Variants in MCM2 observed in about 807,000 individuals in gnomAD.
MCM2 encodes the protein DNA replication licensing factor MCM2.
In MCM2, 49 loss-of-function variants were observed where a neutral mutation model predicts 86.4. The ratio of observed to expected loss-of-function variants is 0.57; its 90% CI spans 0.45 to 0.72. The LOEUF is 0.72. MCM2 is among the 30% of genes least tolerant of loss of function. The probability of loss-of-function intolerance (pLI) is 0.00; values close to 1 mark genes in which losing one functional copy is unlikely to be tolerated. For synonymous variants in MCM2, 475 were observed against 484.6 expected (o/e 0.98, Z 0.26); for missense variants, 1,038 against 1,259.9 (o/e 0.82, Z 2.67).
Position 127,617,187 on chromosome 3 carries a change from G to A in MCM2, c.1773+69G>A. On this transcript the variant is annotated intron_variant, in intron 10 of 15. Coordinates refer to ENST00000265056, the MANE Select transcript of MCM2 (RefSeq NM_004526.4). This position sits in a 1 kb window ranked among gnomAD's most constrained non-coding sequence, Gnocchi z 4.1. ...GTGTGGGCTTGGGCCTTAGCGACGG[G>A]AATGGTGTTAATGGGGTCCATTGGG... 6.2e-7 allele frequency: 1 copy of A among 1,604,182 alleles called. No individual in the cohort carries two copies. Among genetic ancestry groups the A allele is most frequent in the Non-Finnish European group, 8.5e-7 (1 of 1,173,262 alleles).
At chr3:127,616,776 A>G in intron 9 of MCM2, 92 bp from the exon 10 acceptor site, 1 of 1,395,458 alleles carries the variant, frequency 7.2e-7, no homozygotes, top group Non-Finnish European at 1.0e-6. Context: ...ATTCCTAACA[A>G]GTAGGTTGAG....
Position 127,607,007 on chromosome 3 carries a change from G to A in MCM2, c.1101+190G>A, listed in dbSNP as rs534340433. 3.0e-4 allele frequency among the ~76,000 whole-genome samples: 45 copies of A among 152,368 alleles called. 1 individual carries two copies. The South Asian group carries it at 8.9e-3, about 30-fold the overall frequency. ...GTGGACTTAGCTTGGCCCACACGAC[G>A]TTTTTAGGAATTCAAGTCAATATTT... On this transcript the variant is annotated intron_variant, in intron 6 of 15. Transcript: ENST00000265056.
At chr3:127,604,274 T>G in intron 2 of MCM2, 1 of 237,488 alleles carries the variant, frequency 4.2e-6, no homozygotes, top group Non-Finnish European at 8.2e-6. Context: ...TTTCTGTGAA[T>G]TTGACCGCTC....
chr3:127,599,347 C>G lies in MCM2; in HGVS notation c.36C>G (p.Ser12=). Residue 12 remains serine (S), a synonymous_variant, in exon 2 of 16, where the codon TCC becomes TCG. Coordinates refer to ENST00000265056, the MANE Select transcript of MCM2 (RefSeq NM_004526.4). ...CATCGGAATCCTTCACCATGGCATCCAGCCCGGCCCAGCGTCGGCGAGGCA... is the reference window on the plus strand; with the variant it reads ...CATCGGAATCCTTCACCATGGCATCGAGCCCGGCCCAGCGTCGGCGAGGCA... ...AESSESFTMA[S]SPAQRRRGND... The G allele has an allele frequency of 6.2e-7, 1 of 1,614,178 alleles. No homozygotes were observed.
Position 127,598,451 on chromosome 3 carries a change from G to A in MCM2, c.-16G>A, listed in dbSNP as rs767633162. 1.2e-6 allele frequency: 2 copies of A among 1,613,498 alleles called. No homozygotes were observed. ...CTGGTTGTTGCTGTAGTGGCGGAGA[G>A]GATCGTGGTACTGCTATGGCGGTGA... On this transcript the variant is annotated 5_prime_UTR_variant, in exon 1 of 16. Coordinates refer to ENST00000265056, the MANE Select transcript of MCM2 (RefSeq NM_004526.4).
chr3:127,598,613 C>T (rs1226959861), intron 1 of MCM2, 141 bp downstream of exon 1: 1 of 1,199,734 alleles, frequency 8.3e-7, no homozygotes, highest in Non-Finnish European at 1.1e-6. Flanking sequence ...ACTTTCTCGC[C>T]TGCACCCTGC....
chr3:127,605,747 G>A (rs1310579606), intron 4 of MCM2, among the ~76,000 whole-genome samples: 1 of 152,102 alleles, frequency 6.6e-6, no homozygotes, highest in African/African-American at 2.4e-5. Flanking sequence ...GCCAGGAATT[G>A]ACTTTTAAAA....
chr3:127,606,589 A>G lies in MCM2; in HGVS notation c.894-21A>G. 1.9e-6 allele frequency: 3 copies of G among 1,609,806 alleles called. No homozygotes were observed. Among genetic ancestry groups the G allele is most frequent in the Non-Finnish European group, 2.5e-6 (3 of 1,176,612 alleles). ...GCCTCACCCTGGCTCACGGCTTCTG[A>G]TGCACCCTCTGCCTCCGCAGGCAGC... is the stretch of plus-strand genomic sequence containing the variant. On this transcript the variant is annotated intron_variant, in intron 5 of 15. Coordinates refer to ENST00000265056, the MANE Select transcript of MCM2 (RefSeq NM_004526.4). The surrounding 1 kb of genome is among the most constrained non-coding windows in gnomAD (Gnocchi z 4.2).
chr3:127,615,253 C>T (rs983006053), intron 8 of MCM2, among the ~76,000 whole-genome samples: 1 of 152,178 alleles, frequency 6.6e-6, no homozygotes, highest in Non-Finnish European at 1.5e-5. Context: ...CAGTCTCCTA[C>T]AAGCAAGAAA....
At chr3:127,612,079 G>A (rs1446304909) in intron 8 of MCM2, among the ~76,000 whole-genome samples, 3 of 152,168 alleles carry the variant, frequency 2.0e-5, no homozygotes, top group Admixed American at 1.3e-4. Context: ...ATAGAAATCC[G>A]GATGCTTTTT....
In MCM2 at chr3:127,599,493, G is replaced by T. The variant is rs778367347; in HGVS notation, c.182G>T (p.Gly61Val). 3 of 1,613,984 alleles carry T rather than the reference G, an allele frequency of 1.9e-6. No homozygotes were observed. Among genetic ancestry groups the T allele is most frequent in the Non-Finnish European group, 2.5e-6 (3 of 1,179,994 alleles). ...DESEGLLGTE[G>V]PLEEEEDGEE... is the part of the protein sequence containing the mutation. The stretch of plus-strand genomic sequence containing the variant: ...TCCGAGGGGCTCCTAGGCACAGAGG[G>T]GCCCCTGGAGGAAGAAGAGGATGGA... The change falls in exon 2 of 16, where the codon GGG (glycine) becomes GTG (valine). Residue 61 changes from glycine (G) to valine (V), a missense_variant. By Grantham distance (109) the Gly-to-Val change is moderately radical (BLOSUM62 -3). Around this residue, in one of 4 missense-constraint regions of MCM2, gnomAD observed 300 missense variants for 307.4 expected, o/e 0.98. Coordinates refer to ENST00000265056, the MANE Select transcript of MCM2 (RefSeq NM_004526.4).
At position 127,620,811 on chromosome 3, in the gene MCM2, G is replaced by A. The variant is rs200244254; in HGVS notation, c.2379G>A (p.Met793Ile). The change falls in exon 14 of 16, where the codon ATG (methionine) becomes ATA (isoleucine). Residue 793 changes from methionine to isoleucine, a missense_variant. By Grantham distance (10) the Met-to-Ile change is conservative. This residue lies in a region of MCM2 where 336 missense variants were observed against 425.7 expected (regional missense o/e 0.79). Transcript: ENST00000265056. ...ATGTGATCGAAGACGACGTCAACAT[G>A]GCCATCCGCGTGATGCTGGAGAGCT... ...RDYVIEDDVN[M>I]AIRVMLESFI... is the part of the protein sequence containing the mutation. The A allele has an allele frequency of 7.6e-5, 123 of 1,614,060 alleles. 1 individual carries two copies. In the South Asian group the frequency reaches 7.9e-4, roughly 10 times the overall value.
chr3:127,604,689 G>C lies in MCM2; in HGVS notation c.318G>C (p.Thr106=). The C allele has an allele frequency of 1.2e-6, 2 of 1,612,660 alleles. No individual in the cohort carries two copies. The highest frequency in any genetic ancestry group is 1.7e-6 in the Non-Finnish European group (2 of 1,179,936). ...ATGATGAGGACGTAGAGGAGCTGACGGCCAGTCAGAGGGAGGCAGCAGAGC... is the reference window on the plus strand; with the variant it reads ...ATGATGAGGACGTAGAGGAGCTGACCGCCAGTCAGAGGGAGGCAGCAGAGC... ...ALDDEDVEEL[T]ASQREAAERA... The change falls in exon 3 of 16, where the codon ACG becomes ACC. Residue 106 remains threonine (T), a synonymous_variant. Coordinates refer to ENST00000265056, the MANE Select transcript of MCM2 (RefSeq NM_004526.4).
In MCM2 at chr3:127,619,277, T is replaced by C. The variant is rs772211286; in HGVS notation, c.2264T>C (p.Met755Thr). Residue 755 changes from methionine (M) to threonine (T), a missense_variant and splice_region_variant, in exon 13 of 16, where the codon ATG becomes ACG. This residue lies in a region of MCM2 where 336 missense variants were observed against 425.7 expected (regional missense o/e 0.79). Transcript: ENST00000265056. Reference protein sequence around the residue: ...KMYSDLRKESMATGSIPITVR... With the variant: ...KMYSDLRKESTATGSIPITVR... ...TACAGTGACCTGAGGAAAGAATCTA[T>C]GGTGAGAGCCCAGGCAGAGCCGGGA... 1 of 1,611,412 alleles carries C rather than the reference T, an allele frequency of 6.2e-7. No homozygotes were observed.
At chr3:127,621,004 C>A (rs1485915306) in intron 14 of MCM2, 69 bp from the exon 15 acceptor site, 2 of 1,589,544 alleles carry the variant, frequency 1.3e-6, no homozygotes, top group Admixed American at 3.4e-5. Flanking sequence ...TGGGTGCTGG[C>A]ACGTAGGGTA....
intron 8 of MCM2, among the ~76,000 whole-genome samples, chr3:127,609,319 G>C (rs1017151841): frequency 9.2e-5 from 14 of 152,180 alleles, no homozygotes; most frequent in Non-Finnish European, 1.9e-4. Context: ...GGGTTGCGAC[G>C]AGAAGAGCTC....
In MCM2 at chr3:127,619,702, G is replaced by T. The variant is rs536759807; in HGVS notation, c.2265+424G>T. On this transcript the variant is annotated intron_variant, in intron 13 of 15. Transcript: ENST00000265056. ...TCAAAAACAAAAACAAAAAATGAAAGTTGGGTACAGTGATTCATGCCTGTA... is the reference window on the plus strand; with the variant it reads ...TCAAAAACAAAAACAAAAAATGAAATTTGGGTACAGTGATTCATGCCTGTA... Among the ~76,000 whole-genome samples the T allele has an allele frequency of 9.9e-5, 15 of 152,172 alleles. 1 individual carries two copies. The South Asian group carries it at 3.1e-3, about 32-fold the overall frequency.
chr3:127,615,755 G>C (rs17497118), intron 8 of MCM2, 107 bp from the exon 9 acceptor site: 19 of 765,394 alleles, frequency 2.5e-5, no homozygotes, highest in Admixed American at 7.3e-5. Context: ...TGTGGAAGTG[G>C]GTGTCTTTGA....
At position 127,598,472 on chromosome 3, in the gene MCM2, G is replaced by A. The variant is rs777313854; in HGVS notation, c.6G>A (p.Ala2=). The change falls in exon 1 of 16, where the codon GCG becomes GCA. Residue 2 remains alanine, a splice_region_variant and synonymous_variant. Coordinates refer to ENST00000265056, the MANE Select transcript of MCM2 (RefSeq NM_004526.4). ...GAGAGGATCGTGGTACTGCTATGGC[G>A]GTGAGCGCGCTGGCGCGTGGCGGGC... is the stretch of plus-strand genomic sequence containing the variant. M[A]ESSESFTMAS... The A allele has an allele frequency of 1.9e-6, 3 of 1,612,958 alleles. No individual in the cohort carries two copies. Among genetic ancestry groups the A allele is most frequent in the South Asian group, 1.1e-5 (1 of 91,034 alleles).
Sources: gnomAD v4.1 joint callset for allele counts (sites outside exome capture counted in the v4.1 genomes callset) on GRCh38, gnomAD v4.1.1 for gene constraint, gnomAD v4.1.1 regional missense constraint, Gnocchi (gnomAD v3.1) non-coding constraint, MANE v1.5 for transcripts, NCBI Gene and HGNC (gene_info 2026-07-23, HGNC 2026-07-21) for gene names.